The following TMEM108 variants were observed in gnomAD, a reference collection of about 807,000 sequenced individuals.
TMEM108 encodes the protein transmembrane protein 108.
TMEM108 carries 12 observed loss-of-function variants against 35.1 expected under a neutral mutation model. The ratio of observed to expected loss-of-function variants is 0.34; its 90% CI spans 0.22 to 0.55. TMEM108 has a LOEUF of 0.55. TMEM108 is among the 20% of genes least tolerant of loss of function. The probability of loss-of-function intolerance (pLI) is 0.89; values close to 1 mark genes in which losing one functional copy is unlikely to be tolerated. For synonymous variants in TMEM108, 287 were observed against 308.6 expected (o/e 0.93, Z 0.73); for missense variants, 680 against 753.3 (o/e 0.90, Z 1.14).
chr3:133,178,285 A>G (rs999966251), intron 2 of TMEM108, among the ~76,000 whole-genome samples: 3 of 152,228 alleles, frequency 2.0e-5, no homozygotes, highest in African/African-American at 7.2e-5. Context: ...GCTGCCAATG[A>G]CTGTCTTCAC....
At chr3:133,236,476 C>T (rs573918584) in intron 3 of TMEM108, among the ~76,000 whole-genome samples, 8 of 152,148 alleles carry the variant, frequency 5.3e-5, no homozygotes, top group South Asian at 4.1e-4. Flanking sequence ...TGTATGTATA[C>T]GCACAAACAC....
intron 1 of TMEM108, among the ~76,000 whole-genome samples, chr3:133,040,874 G>A (rs1289537263): frequency 2.0e-5 from 3 of 152,190 alleles, no homozygotes; most frequent in South Asian, 2.1e-4. Flanking sequence ...GGTCAGGGAC[G>A]GGGAACATAG....
intron 2 of TMEM108, among the ~76,000 whole-genome samples, chr3:133,151,151 G>A (rs1286869255): frequency 6.6e-6 from 1 of 151,920 alleles, no homozygotes; most frequent in African/African-American, 2.4e-5. Context: ...ACCTTGCTAG[G>A]TGCTCCTTTA....
At chr3:133,384,896 T>C (rs2073106854) in intron 4 of TMEM108, among the ~76,000 whole-genome samples, 1 of 152,172 alleles carries the variant, frequency 6.6e-6, no homozygotes, top group Non-Finnish European at 1.5e-5. Flanking sequence ...CTGCAGATGT[T>C]TGTCATCACC....
At chr3:133,376,839 A>C (rs111619934) in intron 3 of TMEM108, among the ~76,000 whole-genome samples, 1,573 of 152,216 alleles carry the variant, frequency 0.01, 29 homozygotes, top group African/African-American at 0.035. Flanking sequence ...TTTTCAGAGG[A>C]TCTCTTAACA....
chr3:133,388,145 C>T (rs1300571889), intron 4 of TMEM108: 11 of 985,392 alleles, frequency 1.1e-5, no homozygotes, highest in African/African-American at 1.7e-5. Flanking sequence ...GCTGAGGAAA[C>T]AGCACTTTTC....
chr3:133,342,313 T>A (rs1170516684), intron 3 of TMEM108, among the ~76,000 whole-genome samples: 1 of 151,012 alleles, frequency 6.6e-6, no homozygotes, highest in African/African-American at 2.4e-5. Context: ...ACCGGGTGAC[T>A]CTAGTCAAAA....
chr3:133,234,347 C>T (rs1237055153), intron 3 of TMEM108, among the ~76,000 whole-genome samples: 1 of 152,040 alleles, frequency 6.6e-6, no homozygotes, highest in Non-Finnish European at 1.5e-5. Context: ...TGCAAAAATC[C>T]TCAATAAAAT....
chr3:133,350,708 A>G (rs1476338129), intron 3 of TMEM108, among the ~76,000 whole-genome samples: 1 of 152,152 alleles, frequency 6.6e-6, no homozygotes, highest in Non-Finnish European at 1.5e-5. Flanking sequence ...CAAAACCTTA[A>G]GATTCGGCAG....
intron 2 of TMEM108, among the ~76,000 whole-genome samples, chr3:133,146,248 T>C (rs1424380206): frequency 6.6e-6 from 1 of 152,226 alleles, no homozygotes; most frequent in Non-Finnish European, 1.5e-5. Context: ...TTGGTTCTGT[T>C]TATGTGATGG....
intron 4 of TMEM108, chr3:133,387,430 G>T (rs1478983261): frequency 1.0e-6 from 1 of 985,374 alleles, no homozygotes; most frequent in African/African-American, 1.7e-5. Context: ...GCATGAACAT[G>T]TGAGGGGAAG....
At chr3:133,112,383 A>G (rs1400149759) in intron 2 of TMEM108, among the ~76,000 whole-genome samples, 3 of 152,056 alleles carry the variant, frequency 2.0e-5, no homozygotes, top group Admixed American at 2.0e-4. Context: ...TGTGAGTACA[A>G]TTTTTACTGT....
chr3:133,352,984 AGG>A (rs1363306017), intron 3 of TMEM108, among the ~76,000 whole-genome samples: 1 of 152,130 alleles, frequency 6.6e-6, no homozygotes, highest in African/African-American at 2.4e-5. Context: ...CCCCATCTGG[AGG>A]CTTTCCAGGA....
At chr3:133,295,328 G>A (rs929846102) in intron 3 of TMEM108, among the ~76,000 whole-genome samples, 3 of 152,154 alleles carry the variant, frequency 2.0e-5, no homozygotes, top group African/African-American at 4.8e-5. Context: ...AGAGCAAGGA[G>A]CTGAGAACCT....
chr3:133,205,840 G>T (rs1945744987), intron 2 of TMEM108, among the ~76,000 whole-genome samples: 1 of 152,042 alleles, frequency 6.6e-6, no homozygotes, highest in Non-Finnish European at 1.5e-5. Flanking sequence ...TTTGAATGTT[G>T]GCCTGTCTTG....
intron 2 of TMEM108, among the ~76,000 whole-genome samples, chr3:133,173,636 C>A (rs1440499088): frequency 6.6e-6 from 1 of 152,194 alleles, no homozygotes; most frequent in Non-Finnish European, 1.5e-5. Context: ...TATCAGCACA[C>A]ATATGCAAAA....
chr3:133,340,042 C>A (rs970993184), intron 3 of TMEM108, among the ~76,000 whole-genome samples: 1 of 151,004 alleles, frequency 6.6e-6, no homozygotes, highest in Non-Finnish European at 1.5e-5. Context: ...TCTTAAAGAA[C>A]TAGAAGAGCA....
chr3:133,292,714 C>A (rs1947089972), intron 3 of TMEM108, among the ~76,000 whole-genome samples: 1 of 152,168 alleles, frequency 6.6e-6, no homozygotes, highest in African/African-American at 2.4e-5. Flanking sequence ...CCAAAGCCCT[C>A]TCCTTTTCTC....
rs919184331 is a variant in TMEM108, at chr3:133,387,962, C to T, written c.1451-2218C>T. On this transcript the variant is annotated intron_variant, in intron 4 of 5. Transcript: ENST00000321871. ...ACCTTAGAGAGGCGTGCAAACTATA[C>T]AAATCTGACTCACAGATACACTTTT... The T allele has an allele frequency of 1.3e-5, 13 of 985,320 alleles. No homozygotes were observed. The African/African-American group carries it at 2.3e-4, about 17-fold the overall frequency. The allele number at this position is 985,320 out of a possible 1,614,324, so 61.0% of individuals were successfully genotyped here.
Sources: allele counts gnomAD v4.1 joint callset (sites outside exome capture counted in the v4.1 genomes callset), GRCh38; gene constraint gnomAD v4.1.1; transcripts MANE v1.5; gene names NCBI Gene and HGNC (gene_info 2026-07-23, HGNC 2026-07-21).